The following ITGA9 variants were observed in gnomAD, a reference collection of about 807,000 sequenced individuals.
The protein encoded by ITGA9 is integrin alpha-9.
Under a neutral mutation model 127.8 loss-of-function variants are expected in ITGA9, and 56 were observed. The observed-to-expected ratio is 0.44, with a 90% CI of 0.35 to 0.55. The LOEUF (loss-of-function observed/expected upper bound fraction) is 0.55. ITGA9 is among the 20% of genes least tolerant of loss of function. ITGA9 has a pLI of 0.00. For synonymous variants in ITGA9, 508 were observed against 514.5 expected (o/e 0.99, Z 0.17); for missense variants, 1,196 against 1,347.1 (o/e 0.89, Z 1.76).
At chr3:37,635,124 G>A (rs1700265487) in intron 16 of ITGA9, among the ~76,000 whole-genome samples, 1 of 152,180 alleles carries the variant, frequency 6.6e-6, no homozygotes, top group African/African-American at 2.4e-5. Context: ...AAAGAAGAAT[G>A]TTGATCCTAG....
Position 37,526,026 on chromosome 3 carries a change from A to G in ITGA9, c.1328A>G (p.Asp443Gly). 6.2e-7 allele frequency: 1 copy of G among 1,613,922 alleles called. No homozygotes were observed. The highest frequency in any genetic ancestry group is 8.5e-7 in the Non-Finnish European group (1 of 1,179,938). The change falls in exon 13 of 28, where the codon GAT becomes GGT. Residue 443 changes from aspartate to glycine, a missense_variant and splice_region_variant. By Grantham distance (94) the Asp-to-Gly change is moderately conservative (BLOSUM62 -1). Coordinates refer to ENST00000264741, the MANE Select transcript of ITGA9 (RefSeq NM_002207.3). Reference protein sequence around the residue: ...GIDMDGNGYPDVTVGAFMSDS... With the variant: ...GIDMDGNGYPGVTVGAFMSDS... Reference sequence around the variant, plus strand: ...AACGCTGTAAACTTCTCATTTTCAGATGTCACTGTTGGAGCCTTCATGTCC... The same window carrying G: ...AACGCTGTAAACTTCTCATTTTCAGGTGTCACTGTTGGAGCCTTCATGTCC...
At chr3:37,533,743 C>T (rs1051233958) in intron 14 of ITGA9, among the ~76,000 whole-genome samples, 16 of 152,164 alleles carry the variant, frequency 1.1e-4, no homozygotes, top group African/African-American at 3.6e-4. Flanking sequence ...CCTCATTGGA[C>T]CACAGGTCCT....
intron 15 of ITGA9, among the ~76,000 whole-genome samples, chr3:37,552,677 G>T (rs1360675929): frequency 6.6e-6 from 1 of 152,136 alleles, no homozygotes; most frequent in African/African-American, 2.4e-5. Flanking sequence ...ATGTACTCCA[G>T]CTCTCTGTGT....
At chr3:37,797,617 A>G (rs890343057) in intron 26 of ITGA9, among the ~76,000 whole-genome samples, 2 of 152,256 alleles carry the variant, frequency 1.3e-5, no homozygotes, top group Non-Finnish European at 2.9e-5. Context: ...AAAACGTAGA[A>G]AAGAGAAATA....
chr3:37,549,062 G>A (rs2125593956), intron 15 of ITGA9, among the ~76,000 whole-genome samples: 1 of 152,348 alleles, frequency 6.6e-6, no homozygotes, highest in Non-Finnish European at 1.5e-5. Flanking sequence ...CGGGAAGCTG[G>A]GCTTTGGAGA....
At chr3:37,591,598 C>A (rs1250225884) in intron 15 of ITGA9, among the ~76,000 whole-genome samples, 1 of 152,210 alleles carries the variant, frequency 6.6e-6, no homozygotes, top group African/African-American at 2.4e-5. Context: ...TCCTCCTCCT[C>A]AGCTGTAGAC....
rs781097362 is a variant in ITGA9, at chr3:37,732,810, A to T, written c.2154+12A>T. The T allele has an allele frequency of 6.3e-7, 1 of 1,592,170 alleles. No homozygotes were observed. The highest frequency in any genetic ancestry group is 1.1e-5 in the South Asian group (1 of 88,320). The stretch of plus-strand genomic sequence containing the variant: ...GGTCAAAGTCAAAGGTAAGGGACAC[A>T]GACGGGACCCTTCCTCAGCAGCAGG... On this transcript the variant is annotated intron_variant, in intron 19 of 27. Coordinates refer to ENST00000264741, the MANE Select transcript of ITGA9 (RefSeq NM_002207.3).
chr3:37,612,644 C>T lies in ITGA9; in HGVS notation c.1690-16543C>T, dbSNP rs542579291. Reference sequence around the variant, plus strand: ...ATCCACAGATGCCCTGAATTCTCTTCGAGGTTAAGAACTTCTGGTTTAAGA... The same window carrying T: ...ATCCACAGATGCCCTGAATTCTCTTTGAGGTTAAGAACTTCTGGTTTAAGA... On this transcript the variant is annotated intron_variant, in intron 15 of 27. Transcript: ENST00000264741. Among the ~76,000 whole-genome samples, 17 of 152,290 alleles carry T rather than the reference C, an allele frequency of 1.1e-4. No homozygotes were observed. In the East Asian group the frequency reaches 2.5e-3, roughly 22 times the overall value.
intron 23 of ITGA9, among the ~76,000 whole-genome samples, chr3:37,774,446 G>T (rs968130270): frequency 1.3e-5 from 2 of 151,606 alleles, no homozygotes; most frequent in Non-Finnish European, 2.9e-5. Flanking sequence ...TATAATCCCA[G>T]TGCTTTGGAA....
intron 19 of ITGA9, among the ~76,000 whole-genome samples, chr3:37,734,083 G>A (rs1475829197): frequency 6.6e-6 from 1 of 152,178 alleles, no homozygotes; most frequent in African/African-American, 2.4e-5. Context: ...TGATCTTGGC[G>A]AAACCACAGT....
chr3:37,711,916 G>A (rs1701083768), intron 18 of ITGA9, among the ~76,000 whole-genome samples: 1 of 152,156 alleles, frequency 6.6e-6, no homozygotes, highest in South Asian at 2.1e-4. Flanking sequence ...GGGGTTTGAT[G>A]TCCAGTAAGC....
intron 15 of ITGA9, among the ~76,000 whole-genome samples, chr3:37,560,164 A>G (rs1484312620): frequency 1.3e-5 from 2 of 149,630 alleles, no homozygotes; most frequent in Non-Finnish European, 3.0e-5. Flanking sequence ...AAGTGATGTC[A>G]TTGTTCAAGT....
intron 22 of ITGA9, chr3:37,745,664 CAG>C (rs1464792556): frequency 6.6e-6 from 1 of 152,144 alleles, no homozygotes; most frequent in African/African-American, 2.4e-5. Flanking sequence ...AAAAGAAGAA[CAG>C]GGGTTGCACA....
At chr3:37,600,759 C>T (rs540372188) in intron 15 of ITGA9, among the ~76,000 whole-genome samples, 1 of 152,320 alleles carries the variant, frequency 6.6e-6, no homozygotes, top group African/African-American at 2.4e-5. Context: ...AGCACTCTTT[C>T]TCTTCTGCCT....
intron 20 of ITGA9, 68 bp from the exon 21 acceptor site, chr3:37,741,662 A>G (rs903181911): frequency 3.3e-6 from 4 of 1,225,980 alleles, no homozygotes; most frequent in South Asian, 2.6e-5. Context: ...CTAAAGTGGA[A>G]CAGAGAAAGC....
intron 17 of ITGA9, among the ~76,000 whole-genome samples, chr3:37,668,546 G>T (rs1463075883): frequency 6.6e-6 from 1 of 152,150 alleles, no homozygotes; most frequent in African/African-American, 2.4e-5. Flanking sequence ...TCCTTGCTAA[G>T]ATTTTTGCAG....
At chr3:37,680,389 A>G (rs1310320849) in intron 17 of ITGA9, among the ~76,000 whole-genome samples, 1 of 152,202 alleles carries the variant, frequency 6.6e-6, no homozygotes, top group Non-Finnish European at 1.5e-5. Flanking sequence ...ATCTGAGTTC[A>G]CATTCTGCCC....
intron 18 of ITGA9, among the ~76,000 whole-genome samples, chr3:37,710,362 G>A (rs1410625767): frequency 3.3e-5 from 5 of 151,844 alleles, no homozygotes; most frequent in South Asian, 2.1e-4. Context: ...CCTGATCCCC[G>A]ACATCGAGAA....
intron 27 of ITGA9, among the ~76,000 whole-genome samples, chr3:37,812,056 A>C (rs1195804174): frequency 6.6e-6 from 1 of 152,228 alleles, no homozygotes; most frequent in Non-Finnish European, 1.5e-5. Flanking sequence ...CTTCCCTTCA[A>C]ACTGGGCTGG....
Sources: allele counts gnomAD v4.1 joint callset (sites outside exome capture counted in the v4.1 genomes callset), GRCh38; gene constraint gnomAD v4.1.1; transcripts MANE v1.5; gene names NCBI Gene and HGNC (gene_info 2026-07-23, HGNC 2026-07-21).